LRMDA: variants seen among roughly 807,000 people sequenced by gnomAD.
The protein encoded by LRMDA is leucine-rich melanocyte differentiation-associated protein.
In LRMDA, 18 loss-of-function variants were observed where a neutral mutation model predicts 29.8. That is an observed-to-expected ratio of 0.60 (90% CI 0.42 to 0.90). The LOEUF (loss-of-function observed/expected upper bound fraction) is 0.90, where lower values mean the gene tolerates loss of function less well. Ranked by LOEUF, LRMDA falls within the 40% of genes least tolerant of loss-of-function variation. The pLI is 0.00. For missense variants in LRMDA, 273 were observed against 273.9 expected, an observed-to-expected ratio of 1.00 and a Z score of 0.02; for synonymous variants, 125 against 109.4, an observed-to-expected ratio of 1.14 and a Z score of -0.89.
At chr10:75,778,581 G>T (rs1843342222) in intron 2 of LRMDA, among the ~76,000 whole-genome samples, 1 of 152,116 alleles carries the variant, frequency 6.6e-6, no homozygotes, top group South Asian at 2.1e-4. Flanking sequence ...TGGTCAGCTT[G>T]GCATGGTGCT....
intron 5 of LRMDA, among the ~76,000 whole-genome samples, chr10:76,290,411 C>CTTTTTTT (rs11321369): frequency 1.4e-4 from 11 of 76,750 alleles, no homozygotes; most frequent in Non-Finnish European, 1.8e-4. Context: ...TTTATTTTCT[C>CTTTTTTT]TTTTTTTTTT....
At chr10:76,157,291 A>G (rs546402469) in intron 5 of LRMDA, among the ~76,000 whole-genome samples, 10 of 152,132 alleles carry the variant, frequency 6.6e-5, no homozygotes, top group Non-Finnish European at 1.5e-4. Flanking sequence ...GCCATAGTAT[A>G]TTTCAAATTG....
intron 2 of LRMDA, among the ~76,000 whole-genome samples, chr10:76,018,158 G>A (rs2132487686): frequency 1.3e-5 from 2 of 152,294 alleles, no homozygotes; most frequent in Middle Eastern, 6.8e-3. Context: ...CCCGACAATA[G>A]ACAGAGCAAA....
intron 2 of LRMDA, among the ~76,000 whole-genome samples, chr10:75,618,382 C>CTATATATATATATA (rs71477026): frequency 2.6e-5 from 2 of 77,036 alleles, no homozygotes; most frequent in African/African-American, 8.3e-5. Context: ...CTCTCTCTCT[C>CTATATATATATATA]TATATATATA....
intron 5 of LRMDA, among the ~76,000 whole-genome samples, chr10:76,246,410 G>A (rs759574850): frequency 9.2e-5 from 14 of 152,146 alleles, no homozygotes; most frequent in Non-Finnish European, 1.8e-4. Flanking sequence ...CTCCTCTCAT[G>A]TCTCATGGCT....
intron 6 of LRMDA, among the ~76,000 whole-genome samples, chr10:76,433,121 C>G (rs1056519982): frequency 6.6e-6 from 1 of 152,176 alleles, no homozygotes; most frequent in Non-Finnish European, 1.5e-5. Flanking sequence ...TTGCTGTCTC[C>G]CAGTCCAGTG....
At chr10:76,298,219 CTGAGTAAAACATCA>C (rs767302399) in intron 5 of LRMDA, among the ~76,000 whole-genome samples, 1 of 152,198 alleles carries the variant, frequency 6.6e-6, no homozygotes, top group Non-Finnish European at 1.5e-5. Flanking sequence ...GCTATGCCTG[CTGAGTAAAACATCA>C]TGCTAACATC....
intron 5 of LRMDA, among the ~76,000 whole-genome samples, chr10:76,067,072 G>T (rs909778242): frequency 2.6e-5 from 4 of 152,204 alleles, no homozygotes; most frequent in Admixed American, 1.3e-4. Context: ...ATGGGTCCAT[G>T]TAAGAGTGAG....
Position 75,588,250 on chromosome 10 carries a change from G to A in LRMDA, c.131+149756G>A, listed in dbSNP as rs529618388. Among the ~76,000 whole-genome samples, 3 of 152,256 alleles carry A rather than the reference G, an allele frequency of 2.0e-5. No homozygotes were observed. In the East Asian group the frequency reaches 5.8e-4, roughly 29 times the overall value. ...AACAGAGTGCTGGAGCTGGGAGGAG[G>A]GAGGTGAGCAAGACACAGCAGGGAG... On this transcript the variant is annotated intron_variant, in intron 2 of 6. Coordinates refer to ENST00000611255, the MANE Select transcript of LRMDA (RefSeq NM_001305581.2).
chr10:75,629,555 A>G (rs1841297283), intron 2 of LRMDA, among the ~76,000 whole-genome samples: 1 of 152,158 alleles, frequency 6.6e-6, no homozygotes, highest in South Asian at 2.1e-4. Context: ...CTAATCAGCT[A>G]TTTCAACTTT....
intron 2 of LRMDA, among the ~76,000 whole-genome samples, chr10:75,893,905 C>A (rs1031963039): frequency 6.7e-6 from 1 of 149,158 alleles, no homozygotes; most frequent in Non-Finnish European, 1.5e-5. Context: ...TGCACTCCAG[C>A]CTGGGTGACA....
intron 2 of LRMDA, among the ~76,000 whole-genome samples, chr10:75,691,080 CTA>C (rs1842142274): frequency 2.0e-5 from 2 of 101,858 alleles, no homozygotes; most frequent in African/African-American, 4.4e-5. Flanking sequence ...ATATATAGAT[CTA>C]TATATCTATG....
intron 2 of LRMDA, among the ~76,000 whole-genome samples, chr10:75,534,448 T>A (rs1839920099): frequency 1.3e-5 from 2 of 151,800 alleles, no homozygotes; most frequent in African/African-American, 4.8e-5. Context: ...CTCTTAGAAC[T>A]TTGCTTTCTC....
At chr10:76,114,777 C>T (rs964557528) in intron 5 of LRMDA, among the ~76,000 whole-genome samples, 1 of 152,084 alleles carries the variant, frequency 6.6e-6, no homozygotes, top group African/African-American at 2.4e-5. Context: ...TCTTTGTTTC[C>T]CATAATCGTA....
intron 5 of LRMDA, among the ~76,000 whole-genome samples, chr10:76,307,113 G>T (rs1840565662): frequency 2.0e-5 from 3 of 152,110 alleles, no homozygotes; most frequent in Non-Finnish European, 2.9e-5. Flanking sequence ...GACCCCAGCA[G>T]CTACCCTTGC....
At chr10:75,512,526 G>A (rs917110225) in intron 2 of LRMDA, among the ~76,000 whole-genome samples, 2 of 152,134 alleles carry the variant, frequency 1.3e-5, no homozygotes, top group Non-Finnish European at 2.9e-5. Flanking sequence ...ATGTTGGACC[G>A]GGCTGGTTTG....
At chr10:75,837,732 T>C (rs1844464900) in intron 2 of LRMDA, among the ~76,000 whole-genome samples, 1 of 151,596 alleles carries the variant, frequency 6.6e-6, no homozygotes, top group Admixed American at 6.6e-5. Flanking sequence ...CCCATAGATA[T>C]TTACTATCTA....
chr10:76,237,042 A>C (rs1276494467), intron 5 of LRMDA, among the ~76,000 whole-genome samples: 2 of 152,138 alleles, frequency 1.3e-5, no homozygotes, highest in African/African-American at 4.8e-5. Context: ...CTTAAACTCC[A>C]GTCATTTTGT....
intron 2 of LRMDA, among the ~76,000 whole-genome samples, chr10:75,874,613 A>G (rs1344037137): frequency 6.6e-6 from 1 of 152,220 alleles, no homozygotes; most frequent in Non-Finnish European, 1.5e-5. Context: ...CACAGTGCTA[A>G]TAAAAGGCAG....
Sources: gnomAD v4.1 joint callset for allele counts (sites outside exome capture counted in the v4.1 genomes callset) on GRCh38, gnomAD v4.1.1 for gene constraint, MANE v1.5 for transcripts, NCBI Gene and HGNC (gene_info 2026-07-23, HGNC 2026-07-21) for gene names.